Variants in CCDC170 observed in about 807,000 individuals in gnomAD.
The protein encoded by CCDC170 is coiled-coil domain containing 170.
A neutral mutation model predicts 72.6 loss-of-function variants in CCDC170; 69 were observed. The ratio of observed to expected loss-of-function variants is 0.95; its 90% CI spans 0.78 to 1.16. CCDC170 has a LOEUF of 1.16. Among genes scored for constraint, CCDC170 ranks in the 50% most tolerant of loss-of-function variants. The pLI, the probability that CCDC170 is intolerant of heterozygous loss-of-function variation, is 0.00. For missense variants in CCDC170, 852 were observed against 832.5 expected (o/e 1.02, Z -0.29); for synonymous variants, 300 against 303.9 (o/e 0.99, Z 0.13).
chr6:151,509,387 A>G (rs1782115422), intron 1 of CCDC170, among the ~76,000 whole-genome samples: 1 of 152,146 alleles, frequency 6.6e-6, no homozygotes. Flanking sequence ...TATTCTTGAC[A>G]GCTATACCCA....
chr6:151,545,632 TG>T (rs1218154596), intron 4 of CCDC170, among the ~76,000 whole-genome samples: 2 of 152,238 alleles, frequency 1.3e-5, no homozygotes, highest in South Asian at 2.1e-4. Context: ...TTTTTTTTTT[TG>T]TTTGTTTGTT....
intron 6 of CCDC170, among the ~76,000 whole-genome samples, chr6:151,584,658 TTTATAA>T (rs1194489756): frequency 6.6e-6 from 1 of 152,234 alleles, no homozygotes; most frequent in African/African-American, 2.4e-5. Flanking sequence ...GATATCTTAC[TTTATAA>T]TTATAGGAAC....
chr6:151,549,505 A>G (rs1782841309), intron 5 of CCDC170, among the ~76,000 whole-genome samples: 2 of 152,350 alleles, frequency 1.3e-5, no homozygotes, highest in South Asian at 2.1e-4. Flanking sequence ...AATGTACAGG[A>G]GTATATGGTG....
chr6:151,572,650 T>G (rs1294091611), intron 5 of CCDC170, among the ~76,000 whole-genome samples: 1 of 57,986 alleles, frequency 1.7e-5, no homozygotes, highest in Non-Finnish European at 3.2e-5. Flanking sequence ...CTTCTCTGTG[T>G]TTTTTTTTTT....
intron 1 of CCDC170, among the ~76,000 whole-genome samples, chr6:151,521,985 CAAAAAAAAAA>C (rs34730093): frequency 3.8e-5 from 3 of 78,292 alleles, no homozygotes; most frequent in Non-Finnish European, 5.1e-5. Context: ...GACTCTGTCT[CAAAAAAAAAA>C]AAAAAAAAAA....
At chr6:151,608,965 T>C (rs1776827529) in intron 9 of CCDC170, among the ~76,000 whole-genome samples, 1 of 152,208 alleles carries the variant, frequency 6.6e-6, no homozygotes, top group Non-Finnish European at 1.5e-5. Flanking sequence ...TGTGGACTGT[T>C]AGGGATCTCC....
chr6:151,591,709 A>G (rs771260765), intron 7 of CCDC170, among the ~76,000 whole-genome samples: 2 of 151,966 alleles, frequency 1.3e-5, no homozygotes, highest in Admixed American at 6.6e-5. Flanking sequence ...GTTAGCCAGC[A>G]TGGTCTCCAT....
intron 5 of CCDC170, among the ~76,000 whole-genome samples, chr6:151,558,946 G>A (rs375843149): frequency 5.3e-5 from 8 of 150,994 alleles, no homozygotes; most frequent in South Asian, 4.2e-4. Flanking sequence ...TTAATGTTTC[G>A]ACAGGGATTA....
In CCDC170 at chr6:151,544,554, T is replaced by C. The variant is rs762107812; in HGVS notation, c.444-18T>C. On this transcript the variant is annotated intron_variant, in intron 3 of 10. Coordinates refer to ENST00000239374, the MANE Select transcript of CCDC170 (RefSeq NM_025059.4). ...TCCATGGTGTTAAATTCTGACTTAT[T>C]TGTTATTTGCCTAACAGAAAGTGTT... The C allele has an allele frequency of 3.7e-6, 6 of 1,601,178 alleles. No individual in the cohort carries two copies. The highest frequency in any genetic ancestry group is 5.1e-6 in the Non-Finnish European group (6 of 1,169,740).
chr6:151,519,414 T>A (rs1411296276), intron 1 of CCDC170, among the ~76,000 whole-genome samples: 1 of 152,174 alleles, frequency 6.6e-6, no homozygotes, highest in Admixed American at 6.5e-5. Flanking sequence ...TGAAAATCGC[T>A]GTTATTCCGT....
At chr6:151,587,618 C>T (rs2115106883) in intron 7 of CCDC170, among the ~76,000 whole-genome samples, 1 of 152,284 alleles carries the variant, frequency 6.6e-6, no homozygotes, top group East Asian at 1.9e-4. Context: ...GAGGAATCAT[C>T]ATGCCTGCAT....
rs17081470 is a variant in CCDC170, at chr6:151,593,130, T to C, written c.1317T>C (p.Leu439=). 0.073 allele frequency: 118,129 copies of C among 1,614,054 alleles called. 5,032 individuals are homozygous for C. Among genetic ancestry groups the C allele is most frequent in the African/African-American group, 0.16 (12,050 of 74,988 alleles). ...AGTATCTTAAATTTCTGGATCAGCT[T>C]TCTCAGAAAATGAAGTTGGACCAGA... is the stretch of plus-strand genomic sequence containing the variant. The part of the protein sequence containing the change: ...KQKYLKFLDQ[L]SQKMKLDQMA... The change falls in exon 8 of 11, where the codon CTT becomes CTC. Residue 439 remains leucine (L), a synonymous_variant. Coordinates refer to ENST00000239374, the MANE Select transcript of CCDC170 (RefSeq NM_025059.4).
chr6:151,609,877 TA>T (rs1390992174), intron 9 of CCDC170, among the ~76,000 whole-genome samples: 1 of 152,226 alleles, frequency 6.6e-6, no homozygotes, highest in Non-Finnish European at 1.5e-5. Context: ...TAAAGTCTCA[TA>T]TTTTTTAGAG....
At chr6:151,616,210 T>A (rs1344892047) in intron 10 of CCDC170, among the ~76,000 whole-genome samples, 1 of 151,888 alleles carries the variant, frequency 6.6e-6, no homozygotes, top group Non-Finnish European at 1.5e-5. Flanking sequence ...GTAGCAGAGA[T>A]CAGTTGCAGG....
chr6:151,612,624 C>T (rs1212255129), intron 9 of CCDC170, among the ~76,000 whole-genome samples: 1 of 152,048 alleles, frequency 6.6e-6, no homozygotes, highest in Non-Finnish European at 1.5e-5. Context: ...AGCTGTTTAC[C>T]GTGTAGGTCA....
chr6:151,541,647 AT>A (rs963411451), intron 3 of CCDC170, among the ~76,000 whole-genome samples: 9 of 151,862 alleles, frequency 5.9e-5, no homozygotes, highest in African/African-American at 2.2e-4. Context: ...TGTAAAAAAT[AT>A]TTTTTATACA....
intron 1 of CCDC170, among the ~76,000 whole-genome samples, chr6:151,499,600 A>T (rs1781963314): frequency 7.4e-6 from 1 of 135,568 alleles, no homozygotes; most frequent in Non-Finnish European, 1.6e-5. Context: ...AAGTGGAATC[A>T]GACCGTATTT....
intron 6 of CCDC170, among the ~76,000 whole-genome samples, chr6:151,584,611 T>G (rs1364899640): frequency 2.0e-5 from 3 of 152,226 alleles, no homozygotes; most frequent in African/African-American, 7.2e-5. Context: ...GTTTTTTGCC[T>G]GTTTATACTT....
At chr6:151,572,060 C>T (rs12203877) in intron 5 of CCDC170, among the ~76,000 whole-genome samples, 14,561 of 152,124 alleles carry the variant, frequency 0.096, 707 homozygotes, top group Non-Finnish European at 0.11. Context: ...TACCAAGTTG[C>T]CCAGGCTGGT....
Sources: allele counts gnomAD v4.1 joint callset (sites outside exome capture counted in the v4.1 genomes callset), GRCh38; gene constraint gnomAD v4.1.1; transcripts MANE v1.5; gene names NCBI Gene and HGNC (gene_info 2026-07-23, HGNC 2026-07-21).